The following CEP85L variants were observed in gnomAD, a reference collection of about 807,000 sequenced individuals.
CEP85L encodes the protein centrosomal protein 85L, also known as centrosomal protein of 85 kDa-like.
CEP85L carries 60 observed loss-of-function variants against 100.3 expected under a neutral mutation model. The observed-to-expected ratio is 0.60, with a 90% CI of 0.49 to 0.74. The LOEUF is 0.74. Among genes scored for constraint, CEP85L ranks in the 30% least tolerant of loss-of-function variants. The pLI is 0.00. For missense variants in CEP85L, 973 were observed against 936.2 expected (o/e 1.04, Z -0.51); for synonymous variants, 319 against 322.7 (o/e 0.99, Z 0.12).
At chr6:118,638,096 T>C (rs954101949) in intron 1 of CEP85L, among the ~76,000 whole-genome samples, 1 of 151,718 alleles carries the variant, frequency 6.6e-6, no homozygotes, top group African/African-American at 2.4e-5. Flanking sequence ...TATTAGGCAA[T>C]ATACATCATG....
At chr6:118,577,789 ATTC>A (rs889070850) in intron 2 of CEP85L, among the ~76,000 whole-genome samples, 1 of 152,182 alleles carries the variant, frequency 6.6e-6, no homozygotes, top group Non-Finnish European at 1.5e-5. Context: ...GAATTCTAGA[ATTC>A]TTCTCTAGTC....
intron 5 of CEP85L, among the ~76,000 whole-genome samples, chr6:118,503,378 T>C (rs915886103): frequency 5.3e-5 from 8 of 152,316 alleles, no homozygotes; most frequent in African/African-American, 1.2e-4. Context: ...ATTTGATCTA[T>C]AGATTCAACA....
intron 3 of CEP85L, chr6:118,565,093 A>G (rs1779425269): frequency 5.9e-6 from 1 of 169,928 alleles, no homozygotes; most frequent in Admixed American, 5.8e-5. Context: ...CATTGTACAG[A>G]TGAAGAAACT....
intron 2 of CEP85L, among the ~76,000 whole-genome samples, chr6:118,591,571 A>T (rs1284053911): frequency 6.6e-6 from 1 of 152,174 alleles, no homozygotes; most frequent in Non-Finnish European, 1.5e-5. Context: ...TTCTGCAACC[A>T]ATCAGACTGA....
rs866603032 is a variant in CEP85L, at chr6:118,567,237, G to A, written c.233-921C>T. Among the ~76,000 whole-genome samples, 81 of 86,846 alleles carry A rather than the reference G, an allele frequency of 9.3e-4. 2 individuals carry two copies. The highest frequency in any genetic ancestry group is 2.4e-3 in the Admixed American group (17 of 7,212). The allele number at this position is 86,846 out of a possible 152,430, so 57.0% of individuals were successfully genotyped here. ...TGTGTGTGTGTGTGTGTGTGTGTGT[G>A]TGTGTGTGTGTGTATATATATATAT... On this transcript the variant is annotated intron_variant, in intron 2 of 12. Transcript: ENST00000368491.
intron 3 of CEP85L, among the ~76,000 whole-genome samples, chr6:118,539,228 G>T (rs1466104964): frequency 6.6e-6 from 1 of 152,136 alleles, no homozygotes; most frequent in Non-Finnish European, 1.5e-5. Context: ...TCCTGTAAAT[G>T]CTGCACCCTT....
intron 1 of CEP85L, among the ~76,000 whole-genome samples, chr6:118,662,362 T>C (rs1040136773): frequency 6.6e-6 from 1 of 151,962 alleles, no homozygotes; most frequent in Admixed American, 6.6e-5. Context: ...AAACTCCGTC[T>C]CTACTGAAAA....
chr6:118,521,172 A>T (rs1322551860), intron 4 of CEP85L, among the ~76,000 whole-genome samples: 1 of 152,224 alleles, frequency 6.6e-6, no homozygotes, highest in Non-Finnish European at 1.5e-5. Flanking sequence ...AATTCCATCC[A>T]ATTGGACACC....
At chr6:118,476,386 T>A (rs962673900) in intron 10 of CEP85L, among the ~76,000 whole-genome samples, 16 of 152,008 alleles carry the variant, frequency 1.1e-4, no homozygotes, top group Non-Finnish European at 8.8e-5. Context: ...TTTTTCACCA[T>A]CATAAGCAAT....
At chr6:118,688,361 T>A (rs1776909578) in intron 1 of CEP85L, among the ~76,000 whole-genome samples, 1 of 152,202 alleles carries the variant, frequency 6.6e-6, no homozygotes, top group Admixed American at 6.5e-5. Flanking sequence ...CCAAACAGAA[T>A]GCAAGCTCAG....
At chr6:118,613,207 G>A (rs910309146) in intron 2 of CEP85L, among the ~76,000 whole-genome samples, 17 of 151,666 alleles carry the variant, frequency 1.1e-4, no homozygotes, top group Non-Finnish European at 1.8e-4. Context: ...GCAAAACTCC[G>A]TCTCGAAAAA....
upstream of CEP85L, chr6:118,651,731 C>A (rs1226044559): frequency 4.1e-6 from 4 of 986,450 alleles, no homozygotes; most frequent in East Asian, 1.2e-4. Flanking sequence ...GGGTGAGCTA[C>A]CCCGACCCCG....
chr6:118,510,899 T>C (rs900581939), intron 5 of CEP85L, among the ~76,000 whole-genome samples: 2 of 151,926 alleles, frequency 1.3e-5, no homozygotes, highest in Admixed American at 6.6e-5. Flanking sequence ...GGGAAAGGGG[T>C]GTTATCTAGG....
intron 5 of CEP85L, among the ~76,000 whole-genome samples, chr6:118,495,415 G>T (rs557247749): frequency 1.3e-5 from 2 of 152,084 alleles, no homozygotes; most frequent in Non-Finnish European, 2.9e-5. Context: ...CCATGCTACC[G>T]TTCTCGTGAT....
chr6:118,551,737 C>A (rs1230037708), intron 3 of CEP85L, among the ~76,000 whole-genome samples: 6 of 151,926 alleles, frequency 3.9e-5, no homozygotes, highest in Admixed American at 1.3e-4. Context: ...ATTTTCATAA[C>A]CAGACAGAAG....
At chr6:118,667,796 C>T (rs981336032) in intron 1 of CEP85L, among the ~76,000 whole-genome samples, 1 of 152,174 alleles carries the variant, frequency 6.6e-6, no homozygotes, top group African/African-American at 2.4e-5. Flanking sequence ...CTATCTACTA[C>T]CCACTGTGTG....
intron 3 of CEP85L, among the ~76,000 whole-genome samples, chr6:118,528,847 C>T (rs1479249999): frequency 6.6e-6 from 1 of 152,112 alleles, no homozygotes; most frequent in Non-Finnish European, 1.5e-5. Flanking sequence ...ATTGTGAAGT[C>T]TCAAACAGCA....
chr6:118,599,905 G>A (rs1193350050), intron 2 of CEP85L, among the ~76,000 whole-genome samples: 1 of 152,166 alleles, frequency 6.6e-6, no homozygotes, highest in Non-Finnish European at 1.5e-5. Flanking sequence ...GGAAGAGAAT[G>A]AGAAACCGTC....
chr6:118,508,535 G>T (rs1775790137), intron 5 of CEP85L, among the ~76,000 whole-genome samples: 1 of 151,990 alleles, frequency 6.6e-6, no homozygotes, highest in East Asian at 1.9e-4. Flanking sequence ...CAGAAAGTTT[G>T]GATTTTAGAA....
Sources: gnomAD v4.1 joint callset for allele counts (sites outside exome capture counted in the v4.1 genomes callset) on GRCh38, gnomAD v4.1.1 for gene constraint, MANE v1.5 for transcripts, NCBI Gene and HGNC (gene_info 2026-07-23, HGNC 2026-07-21) for gene names.